TIAM2: variants seen among roughly 807,000 people sequenced by gnomAD.
TIAM2 encodes TIAM Rac1 associated GEF 2, also known as rho guanine nucleotide exchange factor TIAM2.
A neutral mutation model predicts 152.9 loss-of-function variants in TIAM2; 80 were observed. The ratio of observed to expected loss-of-function variants is 0.52; its 90% CI spans 0.44 to 0.63. TIAM2 has a LOEUF of 0.63. Among genes scored for constraint, TIAM2 ranks in the 30% least tolerant of loss-of-function variants. TIAM2 has a pLI of 0.00. For missense variants in TIAM2, 1,965 were observed against 2,120.1 expected (o/e 0.93, Z 1.44); for synonymous variants, 804 against 838.0 (o/e 0.96, Z 0.70).
chr6:155,092,536 C>T (rs899791127), intron 2 of TIAM2, among the ~76,000 whole-genome samples: 1 of 152,024 alleles, frequency 6.6e-6, no homozygotes. Context: ...TTAGTATATA[C>T]TCAGATTTTT....
At chr6:155,009,144 G>A (rs1778446217) in intron 1 of TIAM2, among the ~76,000 whole-genome samples, 1 of 139,346 alleles carries the variant, frequency 7.2e-6, no homozygotes, top group Non-Finnish European at 1.5e-5. Flanking sequence ...CTCTGTCACC[G>A]AGGCTGGAGT....
In TIAM2 at chr6:155,089,704, A is replaced by AT. The variant is rs199815707; in HGVS notation, c.-208-582dup. Reference sequence around the variant, plus strand: ...CAGAGAGCCAATTCCTAATCTTCCAATTTAATTTAGCCACTTGTCACTCAC... The same window carrying AT: ...CAGAGAGCCAATTCCTAATCTTCCAATTTTAATTTAGCCACTTGTCACTCAC... On this transcript the variant is annotated intron_variant, in intron 1 of 26. Coordinates refer to ENST00000682666, the MANE Select transcript of TIAM2 (RefSeq NM_012454.4). Among the ~76,000 whole-genome samples, 1,485 of 152,218 alleles carry AT rather than the reference A, an allele frequency of 9.8e-3. 10 individuals are homozygous for AT. Among genetic ancestry groups the AT allele is most frequent in the Non-Finnish European group, 0.015 (1,027 of 68,002 alleles).
At chr6:155,072,890 G>A (rs1777872022) in intron 1 of TIAM2, among the ~76,000 whole-genome samples, 1 of 152,166 alleles carries the variant, frequency 6.6e-6, no homozygotes, top group Admixed American at 6.5e-5. Flanking sequence ...AGAGGACGGA[G>A]CCTCAAGAAG....
At chr6:155,247,524 C>CA (rs1295551966) in intron 19 of TIAM2, among the ~76,000 whole-genome samples, 2 of 152,126 alleles carry the variant, frequency 1.3e-5, no homozygotes, top group African/African-American at 2.4e-5. Context: ...AGACGGGTTT[C>CA]ACCATGTTGG....
chr6:155,063,302 G>A (rs1176457447), intron 1 of TIAM2, among the ~76,000 whole-genome samples: 1 of 152,122 alleles, frequency 6.6e-6, no homozygotes, highest in African/African-American at 2.4e-5. Context: ...TTTAGCAGTT[G>A]ATCATATTGT....
chr6:155,009,747 G>T (rs1319232902), intron 1 of TIAM2, among the ~76,000 whole-genome samples: 2 of 152,212 alleles, frequency 1.3e-5, no homozygotes, highest in Non-Finnish European at 2.9e-5. Flanking sequence ...AGGGACAGAA[G>T]GCCCCTTGGG....
Position 155,252,963 on chromosome 6 carries a change from C to A in TIAM2, c.4135C>A (p.Pro1379Thr). 2 of 1,614,152 alleles carry A rather than the reference C, an allele frequency of 1.2e-6. No homozygotes were observed. The highest frequency in any genetic ancestry group is 1.7e-6 in the Non-Finnish European group (2 of 1,180,018). Residue 1379 changes from proline (P) to threonine (T), a missense_variant, in exon 24 of 27, where the codon CCT (proline) becomes ACT (threonine). By Grantham distance (38) the Pro-to-Thr change is conservative. Coordinates refer to ENST00000682666, the MANE Select transcript of TIAM2 (RefSeq NM_012454.4). ...LKKKLPSNSRPAHNSTDLDPF... is the reference protein window; with the variant it reads ...LKKKLPSNSRTAHNSTDLDPF... The stretch of plus-strand genomic sequence containing the variant: ...CATGTTACAGCCCTCGAATTCCCGG[C>A]CTGCACACAACTCTACTGACTTGGA...
At chr6:155,196,230 G>A (rs957214927) in intron 14 of TIAM2, among the ~76,000 whole-genome samples, 14 of 152,268 alleles carry the variant, frequency 9.2e-5, no homozygotes, top group Non-Finnish European at 1.9e-4. Flanking sequence ...AGGTTTTGGC[G>A]TGAGCATCCA....
At chr6:155,040,086 T>C (rs1296296763) in intron 1 of TIAM2, among the ~76,000 whole-genome samples, 1 of 152,210 alleles carries the variant, frequency 6.6e-6, no homozygotes, top group African/African-American at 2.4e-5. Context: ...TATGAAGTTT[T>C]AGAGGCATTT....
In TIAM2 at chr6:154,997,629, A is replaced by ATTTTTTT. The variant is rs57280691; in HGVS notation, c.-209+2160_-209+2166dup. 7.4e-4 allele frequency among the ~76,000 whole-genome samples: 46 copies of ATTTTTTT among 62,116 alleles called. 3 individuals carry two copies. Among genetic ancestry groups the ATTTTTTT allele is most frequent in the African/African-American group, 2.9e-3 (43 of 14,656 alleles). 40.8% of individuals were successfully genotyped at this position (62,116 alleles called of 152,430 possible). A position where few individuals can be genotyped will look rare whatever the true frequency, so the allele number is the denominator to read the frequency against. On this transcript the variant is annotated intron_variant, in intron 1 of 26. Transcript: ENST00000682666. ...CCGTGAACGAGTGAAGAAAGAATGG[A>ATTTTTTT]TTTTTTTTTTTTTTTTTTTTTTTTT...
intron 5 of TIAM2, among the ~76,000 whole-genome samples, chr6:155,144,292 AC>A: frequency 6.6e-6 from 1 of 152,172 alleles, no homozygotes. Context: ...GGGCTAAATA[AC>A]CCTGCCCACC....
intron 19 of TIAM2, among the ~76,000 whole-genome samples, chr6:155,246,519 T>C (rs575787865): frequency 9.2e-5 from 14 of 152,160 alleles, no homozygotes; most frequent in Non-Finnish European, 1.8e-4. Context: ...AAAATGTTCG[T>C]AGAAATGGGT....
chr6:155,049,610 A>C (rs943507103), intron 1 of TIAM2, among the ~76,000 whole-genome samples: 1 of 152,066 alleles, frequency 6.6e-6, no homozygotes, highest in Non-Finnish European at 1.5e-5. Context: ...CTGAGGGTAC[A>C]TTTTACCAGT....
In TIAM2 at chr6:155,179,298, T is replaced by C. The variant is rs185658381; in HGVS notation, c.2629-80T>C. 76 of 1,510,302 alleles carry C rather than the reference T, an allele frequency of 5.0e-5. No homozygotes were observed. In the East Asian group the frequency reaches 1.5e-3, roughly 30 times the overall value. The allele number at this position is 1,510,302 out of a possible 1,614,324, so 93.6% of individuals were successfully genotyped here. A position where few individuals can be genotyped will look rare whatever the true frequency, so the allele number is the denominator to read the frequency against. On this transcript the variant is annotated intron_variant, in intron 11 of 26. Coordinates refer to ENST00000682666, the MANE Select transcript of TIAM2 (RefSeq NM_012454.4). Reference sequence around the variant, plus strand: ...CGGTATCTTAACAGCTTTCTTGTTTTATGAAAAATAGTGTCAAAGTAATTT... The same window carrying C: ...CGGTATCTTAACAGCTTTCTTGTTTCATGAAAAATAGTGTCAAAGTAATTT...
At chr6:155,245,801 T>C (rs573242957) in intron 19 of TIAM2, 70 bp downstream of exon 19, 229 of 1,068,430 alleles carry the variant, frequency 2.1e-4, no homozygotes, top group Non-Finnish European at 3.0e-4. Flanking sequence ...AGGGTAAATC[T>C]GTATTTAACA....
At chr6:155,223,533 T>TC (rs10679718) in intron 15 of TIAM2, among the ~76,000 whole-genome samples, 35 of 151,172 alleles carry the variant, frequency 2.3e-4, no homozygotes, top group Non-Finnish European at 2.8e-4. Flanking sequence ...TTTTCTTTTT[T>TC]TTTTTTTTTT....
chr6:155,150,494 A>T (rs1779928589), intron 7 of TIAM2, among the ~76,000 whole-genome samples: 1 of 152,140 alleles, frequency 6.6e-6, no homozygotes, highest in African/African-American at 2.4e-5. Context: ...ATGGAGAGAC[A>T]ATTGGAAGTG....
At chr6:155,028,759 A>G (rs993500173) in intron 1 of TIAM2, among the ~76,000 whole-genome samples, 1 of 127,736 alleles carries the variant, frequency 7.8e-6, no homozygotes, top group Non-Finnish European at 1.5e-5. Flanking sequence ...CATATAATAT[A>G]TATACTGTGT....
rs1401081829 is a variant in TIAM2 at position 155,029,408 on chromosome 6, TA to T, written c.-209+33918del. ...TGTTATATATATACTATAGTATATATAATATATACTATATATACTATAGTAT... is the reference window on the plus strand; with the variant it reads ...TGTTATATATATACTATAGTATATATATATATACTATATATACTATAGTAT... On this transcript the variant is annotated intron_variant, in intron 1 of 26. Transcript: ENST00000682666. 9.1e-5 allele frequency among the ~76,000 whole-genome samples: 9 copies of T among 98,716 alleles called. 1 individual carries two copies. The East Asian group carries it at 1.4e-3, about 16-fold the overall frequency. 64.8% of individuals were successfully genotyped at this position (98,716 alleles called of 152,430 possible). A position where few individuals can be genotyped will look rare whatever the true frequency, so the allele number is the denominator to read the frequency against.
Sources: gnomAD v4.1 joint callset for allele counts (sites outside exome capture counted in the v4.1 genomes callset) on GRCh38, gnomAD v4.1.1 for gene constraint, MANE v1.5 for transcripts, NCBI Gene and HGNC (gene_info 2026-07-23, HGNC 2026-07-21) for gene names.